The following SHB variants were observed in gnomAD, a reference collection of about 807,000 sequenced individuals.
The protein encoded by SHB is SH2 domain containing adaptor protein B.
In SHB, 20 loss-of-function variants were observed where a neutral mutation model predicts 52.3. The ratio of observed to expected loss-of-function variants is 0.38; its 90% CI spans 0.27 to 0.56. The LOEUF (loss-of-function observed/expected upper bound fraction) is 0.56. Among genes scored for constraint, SHB ranks in the 20% least tolerant of loss-of-function variants. The probability of loss-of-function intolerance (pLI) is 0.71; values close to 1 mark genes in which losing one functional copy is unlikely to be tolerated. For synonymous variants in SHB, 397 were observed against 316.5 expected, an observed-to-expected ratio of 1.25 and a Z score of -2.70; for missense variants, 825 against 723.3, an observed-to-expected ratio of 1.14 and a Z score of -1.61.
chr9:37,977,126 C>T (rs1370431819), intron 2 of SHB, among the ~76,000 whole-genome samples: 1 of 152,108 alleles, frequency 6.6e-6, no homozygotes, highest in Non-Finnish European at 1.5e-5. Context: ...TTATTTATCT[C>T]GCCTCACTTT....
chr9:38,055,409 CG>C (rs1266246468), intron 1 of SHB, among the ~76,000 whole-genome samples: 4 of 152,128 alleles, frequency 2.6e-5, no homozygotes, highest in African/African-American at 9.7e-5. Context: ...ATTGAAGACA[CG>C]GGACACCTGG....
At chr9:38,001,467 G>T (rs1249108974) in intron 2 of SHB, among the ~76,000 whole-genome samples, 4 of 152,244 alleles carry the variant, frequency 2.6e-5, no homozygotes, top group Non-Finnish European at 5.9e-5. Context: ...CACCCTGAAT[G>T]GGAAGACATG....
At chr9:37,977,978 T>C (rs928967539) in intron 2 of SHB, among the ~76,000 whole-genome samples, 1 of 152,204 alleles carries the variant, frequency 6.6e-6, no homozygotes, top group Non-Finnish European at 1.5e-5. Flanking sequence ...TCAGGAGTGC[T>C]TTTGCTCACT....
At chr9:37,996,853 C>T (rs920750750) in intron 2 of SHB, among the ~76,000 whole-genome samples, 1 of 152,254 alleles carries the variant, frequency 6.6e-6, no homozygotes. Flanking sequence ...GGCCTTAAGA[C>T]ATTGCCAGTG....
chr9:37,984,401 T>G (rs1484952057), intron 2 of SHB, among the ~76,000 whole-genome samples: 1 of 152,174 alleles, frequency 6.6e-6, no homozygotes, highest in African/African-American at 2.4e-5. Flanking sequence ...ATACTCTAGG[T>G]CAGCTCTTGT....
intron 3 of SHB, among the ~76,000 whole-genome samples, chr9:37,957,062 G>C (rs1444428126): frequency 6.6e-6 from 1 of 152,158 alleles, no homozygotes; most frequent in Non-Finnish European, 1.5e-5. Context: ...CTACGCTATT[G>C]AACCTCTTTG....
intron 5 of SHB, among the ~76,000 whole-genome samples, chr9:37,939,070 T>C (rs555632719): frequency 1.3e-5 from 2 of 152,256 alleles, no homozygotes; most frequent in East Asian, 3.9e-4. Flanking sequence ...TCCTTTCTAC[T>C]CCCACTGCCC....
chr9:38,036,215 C>T (rs1196031226), intron 1 of SHB, among the ~76,000 whole-genome samples: 1 of 152,154 alleles, frequency 6.6e-6, no homozygotes, highest in African/African-American at 2.4e-5. Flanking sequence ...GCCACATTCG[C>T]CCCGACCCAC....
rs767120531 is a variant in SHB, at chr9:38,038,113, C to G, written c.718-21982G>C. ...ACCCTGCTTTATAGCTTGGGTCTGG[C>G]TGTCCGGCTCTGCCCTCCCCATCCT... On this transcript the variant is annotated intron_variant, in intron 1 of 5. Coordinates refer to ENST00000377707, the MANE Select transcript of SHB (RefSeq NM_003028.3). Among the ~76,000 whole-genome samples the G allele has an allele frequency of 2.6e-5, 4 of 152,194 alleles. No individual in the cohort carries two copies. The South Asian group carries it at 8.3e-4, about 31-fold the overall frequency.
At chr9:37,973,888 G>A (rs529978982) in intron 3 of SHB, among the ~76,000 whole-genome samples, 2 of 152,312 alleles carry the variant, frequency 1.3e-5, no homozygotes, top group African/African-American at 2.4e-5. Flanking sequence ...TGGGATCAAT[G>A]GGCCCGCTGA....
At chr9:37,940,330 C>A (rs1034189708) in intron 5 of SHB, among the ~76,000 whole-genome samples, 2 of 152,236 alleles carry the variant, frequency 1.3e-5, no homozygotes, top group Non-Finnish European at 2.9e-5. Flanking sequence ...ACAGTGTCCC[C>A]TCAATGGTGC....
At chr9:37,930,372 TAG>T (rs904164243) in intron 5 of SHB, among the ~76,000 whole-genome samples, 5 of 151,936 alleles carry the variant, frequency 3.3e-5, no homozygotes, top group Non-Finnish European at 7.4e-5. Context: ...ACCAGCAGAC[TAG>T]AGTCTGCAGT....
At chr9:38,038,806 G>A (rs1249817984) in intron 1 of SHB, among the ~76,000 whole-genome samples, 1 of 152,140 alleles carries the variant, frequency 6.6e-6, no homozygotes, top group Non-Finnish European at 1.5e-5. Context: ...GGAGAAACTG[G>A]GTGTTGGGGA....
chr9:37,957,725 C>T (rs1832651833), intron 3 of SHB, among the ~76,000 whole-genome samples: 1 of 152,334 alleles, frequency 6.6e-6, no homozygotes, highest in East Asian at 1.9e-4. Context: ...AGCGCAGGGT[C>T]CTCGTGAGGA....
At chr9:37,933,382 A>T (rs758925999) in intron 5 of SHB, among the ~76,000 whole-genome samples, 1 of 152,222 alleles carries the variant, frequency 6.6e-6, no homozygotes, top group East Asian at 1.9e-4. Context: ...CAACCTTTGA[A>T]GCTTGGCACA....
chr9:37,935,362 C>T (rs537268739), intron 5 of SHB, among the ~76,000 whole-genome samples: 2 of 152,288 alleles, frequency 1.3e-5, no homozygotes, highest in East Asian at 3.9e-4. Context: ...AGGTTGTGTT[C>T]GGCCTCGGTG....
At chr9:38,066,454 T>C (rs1821961660) in intron 1 of SHB, among the ~76,000 whole-genome samples, 1 of 152,188 alleles carries the variant, frequency 6.6e-6, no homozygotes, top group Non-Finnish European at 1.5e-5. Context: ...TTTCCCTCAC[T>C]GACCAAACAC....
At chr9:37,969,882 G>C (rs1339955139) in intron 3 of SHB, among the ~76,000 whole-genome samples, 2 of 152,246 alleles carry the variant, frequency 1.3e-5, no homozygotes, top group African/African-American at 4.8e-5. Context: ...GGCCCAAGCT[G>C]CACCTGGCGG....
chr9:38,034,996 C>A (rs533797049), intron 1 of SHB, among the ~76,000 whole-genome samples: 1 of 152,314 alleles, frequency 6.6e-6, no homozygotes, highest in East Asian at 1.9e-4. Context: ...CCCATCCGGC[C>A]TGGGCCTTGT....
Sources: gnomAD v4.1 joint callset for allele counts (sites outside exome capture counted in the v4.1 genomes callset) on GRCh38, gnomAD v4.1.1 for gene constraint, MANE v1.5 for transcripts, NCBI Gene and HGNC (gene_info 2026-07-23, HGNC 2026-07-21) for gene names.